Variants in FAM107B observed in about 807,000 individuals in gnomAD.
FAM107B encodes protein FAM107B.
Under a neutral mutation model 31.5 loss-of-function variants are expected in FAM107B, and 21 were observed. That is an observed-to-expected ratio of 0.67 (90% CI 0.47 to 0.96). The LOEUF (loss-of-function observed/expected upper bound fraction) is 0.96. Ranked by LOEUF, FAM107B falls within the 40% of genes least tolerant of loss-of-function variation. The probability of loss-of-function intolerance (pLI) is 0.00; values close to 1 mark genes in which losing one functional copy is unlikely to be tolerated. For synonymous variants in FAM107B, 157 were observed against 141.5 expected, an observed-to-expected ratio of 1.11 and a Z score of -0.78; for missense variants, 452 against 377.1, an observed-to-expected ratio of 1.20 and a Z score of -1.64.
In FAM107B at chr10:14,526,494, C is replaced by T. The variant is rs533774568; in HGVS notation, c.653+3838G>A. On this transcript the variant is annotated intron_variant, in intron 3 of 4. Coordinates refer to ENST00000181796, the MANE Select transcript of FAM107B (RefSeq NM_031453.4). Reference sequence around the variant, plus strand: ...CTGGGCCTGAATTTCAGCCCTTGTTCTTTAATCTTGTAATCTTTGGTTTGG... The same window carrying T: ...CTGGGCCTGAATTTCAGCCCTTGTTTTTTAATCTTGTAATCTTTGGTTTGG... Among the ~76,000 whole-genome samples, 3 of 152,246 alleles carry T rather than the reference C, an allele frequency of 2.0e-5. No individual in the cohort carries two copies. In the East Asian group the frequency reaches 5.8e-4, roughly 29 times the overall value.
chr10:14,572,740 TATATATATA>T (rs1851315852), intron 2 of FAM107B, among the ~76,000 whole-genome samples: 1 of 87,764 alleles, frequency 1.1e-5, no homozygotes, highest in Admixed American at 1.2e-4. Context: ...AAAAAAAATT[TATATATATA>T]TATATATATA....
intron 1 of FAM107B, among the ~76,000 whole-genome samples, chr10:14,708,910 T>C (rs1359397177): frequency 2.3e-5 from 1 of 42,724 alleles, no homozygotes; most frequent in African/African-American, 7.0e-5. Context: ...CATTAGGGAA[T>C]TGCAGATTAA....
intron 2 of FAM107B, among the ~76,000 whole-genome samples, chr10:14,611,152 G>T (rs373980539): frequency 2.6e-5 from 4 of 152,126 alleles, no homozygotes; most frequent in Admixed American, 6.5e-5. Context: ...GAGTCTTCCT[G>T]TGTATTAAAA....
Position 14,518,627 on chromosome 10 carries a change from T to C in FAM107B, c.*2563A>G, listed in dbSNP as rs187269645. ...GTTCTAAGAATTCCACCCTCAATTC[T>C]TTAATACTTTCCGTTAAAAACAATT... On this transcript the variant is annotated 3_prime_UTR_variant, in exon 5 of 5. Transcript: ENST00000181796. 1.6e-3 allele frequency: 251 copies of C among 152,792 alleles called. 3 individuals carry two copies. The highest frequency in any genetic ancestry group is 1.2e-4 in the Non-Finnish European group (8 of 68,044). 9.5% of individuals were successfully genotyped at this position (152,792 alleles called of 1,614,324 possible).
intron 2 of FAM107B, among the ~76,000 whole-genome samples, chr10:14,588,610 C>A (rs1212083708): frequency 6.6e-6 from 1 of 152,148 alleles, no homozygotes; most frequent in African/African-American, 2.4e-5. Context: ...GACAGTCAAC[C>A]AACCGTCCTG....
rs559386691 is a variant in FAM107B, at chr10:14,750,278, G to A, written c.411+23975C>T. On this transcript the variant is annotated intron_variant, in intron 1 of 4. Coordinates refer to ENST00000181796, the MANE Select transcript of FAM107B (RefSeq NM_031453.4). ...AAACCAGGGGAGCCACATCGTAACG[G>A]AAAGACATAAACATAGAACTCCCTA... Among the ~76,000 whole-genome samples the A allele has an allele frequency of 1.1e-4, 17 of 152,300 alleles. No homozygotes were observed. The South Asian group carries it at 3.3e-3, about 30-fold the overall frequency.
At chr10:14,571,230 C>A (rs1851196442) in intron 2 of FAM107B, among the ~76,000 whole-genome samples, 1 of 152,108 alleles carries the variant, frequency 6.6e-6, no homozygotes, top group African/African-American at 2.4e-5. Context: ...GGCCCCTCCT[C>A]CTAAAACCAT....
intron 2 of FAM107B, among the ~76,000 whole-genome samples, chr10:14,659,775 C>A (rs1263872173): frequency 6.6e-6 from 1 of 152,172 alleles, no homozygotes; most frequent in Non-Finnish European, 1.5e-5. Flanking sequence ...TCCTAAGATG[C>A]CCAGCAAGGA....
At chr10:14,569,377 A>G (rs1850990028) in intron 2 of FAM107B, among the ~76,000 whole-genome samples, 1 of 152,160 alleles carries the variant, frequency 6.6e-6, no homozygotes, top group Non-Finnish European at 1.5e-5. Flanking sequence ...TGTTGTGGTG[A>G]GCTGCAGTTT....
chr10:14,677,247 G>A (rs1220342707), intron 1 of FAM107B, among the ~76,000 whole-genome samples: 1 of 152,064 alleles, frequency 6.6e-6, no homozygotes, highest in African/African-American at 2.4e-5. Flanking sequence ...TCAAACCCAG[G>A]CCTACTCGGC....
intron 1 of FAM107B, among the ~76,000 whole-genome samples, chr10:14,737,842 C>A (rs1044602810): frequency 1.0e-4 from 15 of 150,310 alleles, no homozygotes; most frequent in Admixed American, 3.3e-4. Flanking sequence ...CACTGTGCCT[C>A]AGTTCATTTA....
chr10:14,592,366 G>T (rs35513076), intron 2 of FAM107B, among the ~76,000 whole-genome samples: 1 of 152,124 alleles, frequency 6.6e-6, no homozygotes, highest in Non-Finnish European at 1.5e-5. Flanking sequence ...CAACTCTGAG[G>T]CTTCATGGGA....
intron 2 of FAM107B, among the ~76,000 whole-genome samples, chr10:14,621,767 G>T (rs1227897068): frequency 2.0e-5 from 3 of 152,092 alleles, no homozygotes; most frequent in Non-Finnish European, 4.4e-5. Flanking sequence ...CCGATGTGGG[G>T]TGGCACCAGC....
intron 1 of FAM107B, among the ~76,000 whole-genome samples, chr10:14,767,047 TATATATATAGAGAGAGAGAGAG>T (rs1468145208): frequency 7.8e-5 from 3 of 38,236 alleles, no homozygotes; most frequent in African/African-American, 2.6e-4. Context: ...TATATATATA[TATATATATAGAGAGAGAGAGAG>T]AGAGAGAGAG....
intron 2 of FAM107B, among the ~76,000 whole-genome samples, chr10:14,583,142 G>A (rs1178070302): frequency 6.6e-6 from 1 of 151,432 alleles, no homozygotes; most frequent in Admixed American, 6.6e-5. Context: ...GTAAACGGCA[G>A]ACCTGGAAGG....
At chr10:14,746,424 G>T (rs193282954) in intron 1 of FAM107B, among the ~76,000 whole-genome samples, 2 of 152,292 alleles carry the variant, frequency 1.3e-5, no homozygotes, top group Non-Finnish European at 2.9e-5. Flanking sequence ...TTTTGCAGTG[G>T]CTAGTAATGC....
At chr10:14,660,414 T>C (rs1854204030) in intron 2 of FAM107B, among the ~76,000 whole-genome samples, 1 of 152,176 alleles carries the variant, frequency 6.6e-6, no homozygotes, top group South Asian at 2.1e-4. Context: ...AAAAGAATTA[T>C]CTCAAGAAAG....
intron 2 of FAM107B, among the ~76,000 whole-genome samples, chr10:14,628,812 C>A (rs954230220): frequency 6.6e-6 from 1 of 151,970 alleles, no homozygotes; most frequent in Non-Finnish European, 1.5e-5. Context: ...GTGGGAGGAT[C>A]GCTTGAGCCT....
chr10:14,640,553 T>C (rs576805086), intron 2 of FAM107B, among the ~76,000 whole-genome samples: 14 of 152,306 alleles, frequency 9.2e-5, no homozygotes, highest in Admixed American at 6.5e-4. Flanking sequence ...GTGACCTAGC[T>C]GAGGGGCAAA....
Sources: allele counts gnomAD v4.1 joint callset (sites outside exome capture counted in the v4.1 genomes callset), GRCh38; gene constraint gnomAD v4.1.1; transcripts MANE v1.5; gene names NCBI Gene and HGNC (gene_info 2026-07-23, HGNC 2026-07-21).